USP32: variants seen among roughly 807,000 people sequenced by gnomAD.
USP32 encodes the protein ubiquitin carboxyl-terminal hydrolase 32.
Under a neutral mutation model 204.8 loss-of-function variants are expected in USP32, and 59 were observed. The observed-to-expected ratio is 0.29, with a 90% CI of 0.23 to 0.36. The LOEUF (loss-of-function observed/expected upper bound fraction) is 0.36, where lower values mean the gene tolerates loss of function less well. Among genes scored for constraint, USP32 ranks in the 10% least tolerant of loss-of-function variants. The probability of loss-of-function intolerance (pLI) is 1.00; values close to 1 mark genes in which losing one functional copy is unlikely to be tolerated. For missense variants in USP32, 1,160 were observed against 1,946.4 expected (o/e 0.60, Z 7.60); for synonymous variants, 517 against 678.4 (o/e 0.76, Z 3.70).
At chr17:60,354,405 GA>G (rs1258489134) in intron 1 of USP32, among the ~76,000 whole-genome samples, 2 of 152,116 alleles carry the variant, frequency 1.3e-5, no homozygotes, top group African/African-American at 4.8e-5. Flanking sequence ...AACAACATCT[GA>G]ATCAGAGGAT....
Position 60,185,606 on chromosome 17 carries a change from C to T in USP32, c.3688G>A (p.Ala1230Thr). ...CAGCTGTCCAGGTTGATGGGCTCGG[C>T]TTGCGCTCGCCGACTCTGCTCCACA... Reference protein sequence around the residue: ...ESVEQSRRAQAEPINLDSCLR... With the variant: ...ESVEQSRRAQTEPINLDSCLR... Residue 1230 changes from alanine to threonine, a missense_variant, in exon 30 of 34, where the codon GCC becomes ACC. Around this residue, in one of 8 missense-constraint regions of USP32, gnomAD observed 160 missense variants for 322.5 expected, o/e 0.50. Transcript: ENST00000300896. 6.2e-7 allele frequency: 1 copy of T among 1,611,972 alleles called. No individual in the cohort carries two copies. Among genetic ancestry groups the T allele is most frequent in the African/African-American group, 1.3e-5 (1 of 74,970 alleles).
In USP32 at chr17:60,181,406, C is replaced by A; in HGVS notation, c.4466G>T (p.Gly1489Val). The change falls in exon 32 of 34, where the codon GGA (glycine) becomes GTA (valine). Residue 1489 changes from glycine to valine, a missense_variant. By Grantham distance (109) the Gly-to-Val change is moderately radical (BLOSUM62 -3). Coordinates refer to ENST00000300896, the MANE Select transcript of USP32 (RefSeq NM_032582.4). ...AGTGCTGTCTTCTTCACTGTGGTTT[C>A]CAAGCTGACCATTGCTGTAGCCATT... ...CGNGYSNGQLGNHSEEDSTDD... is the reference protein window; with the variant it reads ...CGNGYSNGQLVNHSEEDSTDD... The A allele has an allele frequency of 6.2e-7, 1 of 1,613,974 alleles. No homozygotes were observed. The highest frequency in any genetic ancestry group is 8.5e-7 in the Non-Finnish European group (1 of 1,179,872).
chr17:60,334,646 CGCGCCACTGCACTCCA>C (rs2088473841), intron 2 of USP32, among the ~76,000 whole-genome samples: 1 of 142,676 alleles, frequency 7.0e-6, no homozygotes, highest in African/African-American at 3.0e-5. Context: ...GAGCCGAGAT[CGCGCCACTGCACTCCA>C]GCCTGGGCAA....
At chr17:60,374,854 CA>C (rs1465724107) in intron 1 of USP32, among the ~76,000 whole-genome samples, 1 of 152,108 alleles carries the variant, frequency 6.6e-6, no homozygotes, top group East Asian at 1.9e-4. Flanking sequence ...GTATGCAGTC[CA>C]TCGTTAACCA....
intron 11 of USP32, among the ~76,000 whole-genome samples, chr17:60,248,572 A>G (rs1341999822): frequency 6.6e-6 from 1 of 152,000 alleles, no homozygotes; most frequent in African/African-American, 2.4e-5. Flanking sequence ...TGATGAAATA[A>G]TCTCTATTGA....
intron 12 of USP32, among the ~76,000 whole-genome samples, chr17:60,230,868 T>TA (rs2085528860): frequency 6.6e-6 from 1 of 152,234 alleles, no homozygotes; most frequent in Non-Finnish European, 1.5e-5. Flanking sequence ...TGCAGAATCT[T>TA]AGAGTCACTA....
At chr17:60,348,647 G>A (rs1257243600) in intron 1 of USP32, among the ~76,000 whole-genome samples, 3 of 152,006 alleles carry the variant, frequency 2.0e-5, no homozygotes, top group African/African-American at 7.2e-5. Context: ...GGTGGCACGT[G>A]CCTATAGCTA....
At chr17:60,386,808 CTT>C (rs1347960819) in intron 1 of USP32, among the ~76,000 whole-genome samples, 2 of 152,328 alleles carry the variant, frequency 1.3e-5, no homozygotes, top group South Asian at 2.1e-4. Context: ...TTTATCTCCT[CTT>C]GTCAGAGACA....
chr17:60,203,578 A>T (rs1239762982), intron 26 of USP32, among the ~76,000 whole-genome samples: 1 of 151,266 alleles, frequency 6.6e-6, no homozygotes, highest in Non-Finnish European at 1.5e-5. Flanking sequence ...CCTTTATTTT[A>T]TTTATTTATT....
At chr17:60,389,105 T>A (rs540015310) in intron 1 of USP32, among the ~76,000 whole-genome samples, 46 of 152,332 alleles carry the variant, frequency 3.0e-4, no homozygotes, top group African/African-American at 9.9e-4. Flanking sequence ...TGGACTAATG[T>A]GTGTTTGTCA....
At chr17:60,333,225 T>C (rs2088432812) in intron 2 of USP32, among the ~76,000 whole-genome samples, 1 of 152,142 alleles carries the variant, frequency 6.6e-6, no homozygotes, top group African/African-American at 2.4e-5. Context: ...ACCAAAAACA[T>C]AAACAGTTGA....
intron 5 of USP32, among the ~76,000 whole-genome samples, chr17:60,284,265 GT>G (rs2087051022): frequency 6.7e-6 from 1 of 149,640 alleles, no homozygotes; most frequent in Non-Finnish European, 1.5e-5. Context: ...CCAGGCTGGA[GT>G]GTAGTGGCAT....
chr17:60,285,146 C>G (rs575948672), intron 5 of USP32, among the ~76,000 whole-genome samples: 1 of 152,288 alleles, frequency 6.6e-6, no homozygotes, highest in Admixed American at 6.5e-5. Context: ...TAACAGAAAA[C>G]TAATTTACCA....
intron 2 of USP32, among the ~76,000 whole-genome samples, chr17:60,306,758 A>G (rs1311640226): frequency 6.6e-6 from 1 of 152,240 alleles, no homozygotes; most frequent in Non-Finnish European, 1.5e-5. Flanking sequence ...TTGTTACCAG[A>G]TAACATGACC....
intron 31 of USP32, 31 bp from the exon 32 acceptor site, chr17:60,181,779 A>G: frequency 6.3e-7 from 1 of 1,584,488 alleles, no homozygotes; most frequent in East Asian, 2.2e-5. Flanking sequence ...AAGATTCACA[A>G]ATTCAAATGC....
At position 60,265,982 on chromosome 17, in the gene USP32, A is replaced by G. The variant is rs368223969; in HGVS notation, c.921T>C (p.Asp307=). The change falls in exon 8 of 34, where the codon GAT becomes GAC. Residue 307 remains aspartate (D), a synonymous_variant. Transcript: ENST00000300896. The part of the protein sequence containing the change: ...LEVWKDNRTD[D]IPELHMDLSD... ...ATACACAATCATAACTTACAGGAAT[A>G]TCATCAGTGCGGTTGTCCTTCCAGA... The G allele has an allele frequency of 5.0e-6, 8 of 1,612,772 alleles. No homozygotes were observed. Among genetic ancestry groups the G allele is most frequent in the Middle Eastern group, 1.6e-4 (1 of 6,078 alleles).
At chr17:60,292,571 C>T (rs180695070) in intron 4 of USP32, among the ~76,000 whole-genome samples, 12 of 152,204 alleles carry the variant, frequency 7.9e-5, no homozygotes, top group East Asian at 1.9e-4. Context: ...ATAATCAATA[C>T]GAGAAAAAAT....
chr17:60,187,093 C>T (rs1195045711), intron 29 of USP32, among the ~76,000 whole-genome samples: 3 of 152,292 alleles, frequency 2.0e-5, no homozygotes, highest in South Asian at 2.1e-4. Flanking sequence ...ATGAATTTCC[C>T]TTCCTGAAAC....
intron 1 of USP32, among the ~76,000 whole-genome samples, chr17:60,409,469 T>C (rs2090002819): frequency 6.6e-6 from 1 of 152,216 alleles, no homozygotes; most frequent in Non-Finnish European, 1.5e-5. Context: ...GCAGCTGGCT[T>C]ACCCCAGAGC....
Sources: gnomAD v4.1 joint callset for allele counts (sites outside exome capture counted in the v4.1 genomes callset) on GRCh38, gnomAD v4.1.1 for gene constraint, gnomAD v4.1.1 regional missense constraint, MANE v1.5 for transcripts, NCBI Gene and HGNC (gene_info 2026-07-23, HGNC 2026-07-21) for gene names.